The following APOLD1 variants were observed in gnomAD, a reference collection of about 807,000 sequenced individuals.
APOLD1 encodes the protein apolipoprotein L domain containing 1.
Under a neutral mutation model 15.3 loss-of-function variants are expected in APOLD1, and 22 were observed. The ratio of observed to expected loss-of-function variants is 1.44; its 90% CI spans 1.03 to 2.05. The LOEUF (loss-of-function observed/expected upper bound fraction) is 2.05. Ranked by LOEUF, APOLD1 falls within the 30% of genes most tolerant of loss-of-function variation. APOLD1 has a pLI of 0.00. For missense variants in APOLD1, 394 were observed against 353.5 expected, an observed-to-expected ratio of 1.11 and a Z score of -0.92; for synonymous variants, 190 against 167.4, an observed-to-expected ratio of 1.13 and a Z score of -1.04.
chr12:12,743,980 G>A (rs1387850099), intron 1 of APOLD1, among the ~76,000 whole-genome samples: 1 of 152,098 alleles, frequency 6.6e-6, no homozygotes, highest in African/African-American at 2.4e-5. Flanking sequence ...TTAGCCCAGT[G>A]AGACCCATGT....
At chr12:12,773,151 C>T (rs1947001446) in intron 1 of APOLD1, among the ~76,000 whole-genome samples, 1 of 152,068 alleles carries the variant, frequency 6.6e-6, no homozygotes, top group Non-Finnish European at 1.5e-5. Flanking sequence ...GCAGTGCTTA[C>T]AGGGAAATTT....
intron 1 of APOLD1, among the ~76,000 whole-genome samples, chr12:12,746,447 G>C (rs897476197): frequency 6.6e-6 from 1 of 152,096 alleles, no homozygotes; most frequent in Non-Finnish European, 1.5e-5. Context: ...AGTGAGCCGA[G>C]ATCGCACCAC....
chr12:12,744,589 A>G (rs1361753044), intron 1 of APOLD1, among the ~76,000 whole-genome samples: 1 of 152,182 alleles, frequency 6.6e-6, no homozygotes, highest in East Asian at 1.9e-4. Context: ...ATATCAAAAA[A>G]CAAAGAACTG....
chr12:12,786,795 G>GCA, intron 1 of APOLD1, 114 bp from the exon 2 acceptor site: 1 of 1,303,246 alleles, frequency 7.7e-7, no homozygotes, highest in Non-Finnish European at 9.7e-7. Flanking sequence ...CCCTAGCGTG[G>GCA]CAGTGGCTGC....
intron 1 of APOLD1, among the ~76,000 whole-genome samples, chr12:12,735,889 G>C (rs1267795034): frequency 1.3e-5 from 2 of 152,138 alleles, no homozygotes; most frequent in East Asian, 3.9e-4. Context: ...CACAGTTTTA[G>C]TGAGCTATAA....
At chr12:12,770,152 G>A (rs1163772021) in intron 1 of APOLD1, among the ~76,000 whole-genome samples, 2 of 152,186 alleles carry the variant, frequency 1.3e-5, no homozygotes, top group Non-Finnish European at 2.9e-5. Flanking sequence ...GCTCACGTCT[G>A]TAATCCCAGC....
intron 1 of APOLD1, among the ~76,000 whole-genome samples, chr12:12,752,726 A>G (rs1310893754): frequency 6.6e-6 from 1 of 152,218 alleles, no homozygotes; most frequent in African/African-American, 2.4e-5. Flanking sequence ...AGTTAAAACT[A>G]GAACAGTAGA....
At chr12:12,759,428 T>C (rs754922612) in intron 1 of APOLD1, among the ~76,000 whole-genome samples, 2 of 152,172 alleles carry the variant, frequency 1.3e-5, no homozygotes, top group East Asian at 1.9e-4. Context: ...CTATCTTGTA[T>C]GACAAGATGC....
chr12:12,739,018 G>T (rs556651840), intron 1 of APOLD1, among the ~76,000 whole-genome samples: 1 of 152,336 alleles, frequency 6.6e-6, no homozygotes, highest in Non-Finnish European at 1.5e-5. Flanking sequence ...AGATACAGAA[G>T]TCCTTGAGGA....
chr12:12,779,599 A>G (rs1305558260), intron 1 of APOLD1, among the ~76,000 whole-genome samples: 2 of 152,192 alleles, frequency 1.3e-5, no homozygotes, highest in Non-Finnish European at 2.9e-5. Flanking sequence ...AATACTCCTC[A>G]AAGAAATAAT....
chr12:12,787,912 A>G lies in APOLD1; in HGVS notation c.*260A>G. The stretch of plus-strand genomic sequence containing the variant: ...CAAAAACTCTTTTTCCTTTATCAAA[A>G]ACTTTCTGTCTAAACACAGCTGGGC... On this transcript the variant is annotated 3_prime_UTR_variant, in exon 2 of 2. Coordinates refer to ENST00000356591, the MANE Select transcript of APOLD1 (RefSeq NM_030817.3). The surrounding 1 kb of genome is among the most constrained non-coding windows in gnomAD (Gnocchi z 4.9). 1 of 461,594 alleles carries G rather than the reference A, an allele frequency of 2.2e-6. No individual in the cohort carries two copies. The highest frequency in any genetic ancestry group is 2.0e-5 in the African/African-American group (1 of 50,024). 28.6% of individuals were successfully genotyped at this position (461,594 alleles called of 1,614,324 possible).
At chr12:12,758,020 G>A (rs900206412) in intron 1 of APOLD1, among the ~76,000 whole-genome samples, 1 of 148,880 alleles carries the variant, frequency 6.7e-6, no homozygotes, top group African/African-American at 2.5e-5. Context: ...CTGCCTCCCG[G>A]GTTCAAGTGA....
At chr12:12,767,583 C>G (rs147278328) in intron 1 of APOLD1, among the ~76,000 whole-genome samples, 2 of 151,858 alleles carry the variant, frequency 1.3e-5, no homozygotes, top group Non-Finnish European at 2.9e-5. Flanking sequence ...ATTGCTTGAA[C>G]CCGGGAGGCG....
At chr12:12,732,161 G>C (rs1481916999) in intron 1 of APOLD1, among the ~76,000 whole-genome samples, 3 of 152,164 alleles carry the variant, frequency 2.0e-5, no homozygotes, top group African/African-American at 7.2e-5. Flanking sequence ...CTCATGAAGA[G>C]TTGATTACAT....
intron 1 of APOLD1, among the ~76,000 whole-genome samples, chr12:12,773,787 C>T (rs547050563): frequency 9.7e-4 from 148 of 152,198 alleles, no homozygotes; most frequent in African/African-American, 3.4e-3. Flanking sequence ...AAAGTGAACC[C>T]ACATAAATAT....
intron 1 of APOLD1, among the ~76,000 whole-genome samples, chr12:12,729,560 G>A (rs1324060445): frequency 6.6e-6 from 1 of 151,998 alleles, no homozygotes; most frequent in Non-Finnish European, 1.5e-5. Flanking sequence ...GTGCTCAGCT[G>A]GGAGGAGCTC....
intron 1 of APOLD1, among the ~76,000 whole-genome samples, chr12:12,769,598 G>C (rs1946970116): frequency 6.6e-6 from 1 of 152,166 alleles, no homozygotes; most frequent in South Asian, 2.1e-4. Context: ...TTCCAACAAG[G>C]GGAGAGGAAA....
intron 1 of APOLD1, among the ~76,000 whole-genome samples, chr12:12,778,657 A>G (rs1443896307): frequency 6.6e-6 from 1 of 152,056 alleles, no homozygotes; most frequent in Non-Finnish European, 1.5e-5. Context: ...GTTGGCCACA[A>G]CTTGATTGGC....
intron 1 of APOLD1, among the ~76,000 whole-genome samples, chr12:12,770,262 G>T (rs1034546277): frequency 6.6e-6 from 1 of 152,026 alleles, no homozygotes; most frequent in Non-Finnish European, 1.5e-5. Flanking sequence ...AAAATTAGCC[G>T]GGCATGGTGG....
Sources: gnomAD v4.1 joint callset for allele counts (sites outside exome capture counted in the v4.1 genomes callset) on GRCh38, gnomAD v4.1.1 for gene constraint, Gnocchi (gnomAD v3.1) non-coding constraint, MANE v1.5 for transcripts, NCBI Gene and HGNC (gene_info 2026-07-23, HGNC 2026-07-21) for gene names.